The following MKLN1 variants were observed in gnomAD, a reference collection of about 807,000 sequenced individuals.
The protein encoded by MKLN1 is muskelin 1, also known as muskelin.
Under a neutral mutation model 99.0 loss-of-function variants are expected in MKLN1, and 18 were observed. That is an observed-to-expected ratio of 0.18 (90% CI 0.13 to 0.27). MKLN1 has a LOEUF of 0.27. MKLN1 is among the 10% of genes least tolerant of loss of function. The probability of loss-of-function intolerance (pLI) is 1.00; values close to 1 mark genes in which losing one functional copy is unlikely to be tolerated. For missense variants in MKLN1, 621 were observed against 875.9 expected, an observed-to-expected ratio of 0.71 and a Z score of 3.67; for synonymous variants, 288 against 293.2, an observed-to-expected ratio of 0.98 and a Z score of 0.18.
At chr7:131,241,876 T>A (rs1797408830) in intron 3 of MKLN1, among the ~76,000 whole-genome samples, 1 of 152,184 alleles carries the variant, frequency 6.6e-6, no homozygotes, top group Non-Finnish European at 1.5e-5. Flanking sequence ...CCCGCCAGCA[T>A]TTTTCACATT....
chr7:131,171,797 G>T (rs1796220298), intron 2 of MKLN1, among the ~76,000 whole-genome samples: 1 of 152,200 alleles, frequency 6.6e-6, no homozygotes, highest in Non-Finnish European at 1.5e-5. Flanking sequence ...CTCATACATT[G>T]TTTGGTATAA....
At position 131,359,326 on chromosome 7, in the gene MKLN1, A is replaced by G. The variant is rs994783496; in HGVS notation, c.99-16098A>G. ...TTTTGGGATTTTCCAGCTATCTGTG[A>G]ATGACTTCTAGTTTAATTCCATTGT... On this transcript the variant is annotated intron_variant, in intron 1 of 17. Transcript: ENST00000352689. Among the ~76,000 whole-genome samples, 9 of 152,330 alleles carry G rather than the reference A, an allele frequency of 5.9e-5. No homozygotes were observed. In the East Asian group the frequency reaches 1.7e-3, roughly 29 times the overall value.
rs1233619653 is a variant in MKLN1, at chr7:131,470,860, A to G, written c.1947A>G (p.Gln649=). Residue 649 remains glutamine (Q), a synonymous_variant, in exon 16 of 18, where the codon CAA becomes CAG. Transcript: ENST00000352689. The part of the protein sequence containing the change: ...IRKHRFEEKA[Q]VDPLSALKYL... ...TTTCTAGGTTTGAAGAAAAGGCCCA[A>G]GTGGATCCCCTTAGTGCTCTGAAAT... 2 of 1,611,546 alleles carry G rather than the reference A, an allele frequency of 1.2e-6. No individual in the cohort carries two copies. The highest frequency in any genetic ancestry group is 2.2e-5 in the East Asian group (1 of 44,818).
At chr7:131,399,801 G>A (rs966243137) in intron 6 of MKLN1, among the ~76,000 whole-genome samples, 2 of 152,118 alleles carry the variant, frequency 1.3e-5, no homozygotes, top group Non-Finnish European at 2.9e-5. Flanking sequence ...AATAAAAAAT[G>A]TTATTAGTAA....
chr7:131,165,467 G>A (rs1299806609), intron 2 of MKLN1, among the ~76,000 whole-genome samples: 2 of 152,224 alleles, frequency 1.3e-5, no homozygotes, highest in African/African-American at 4.8e-5. Context: ...TTACAGGCGT[G>A]AGCCACCACG....
At chr7:131,126,834 A>G (rs62472607) in intron 1 of MKLN1, among the ~76,000 whole-genome samples, 150,782 of 152,322 alleles carry the variant, frequency 0.99, 74,656 homozygotes, top group Middle Eastern at 1. Flanking sequence ...GATTACAGGC[A>G]TGAGCCATCG....
intron 10 of MKLN1, among the ~76,000 whole-genome samples, chr7:131,439,305 T>C (rs1795760326): frequency 6.6e-6 from 1 of 152,102 alleles, no homozygotes; most frequent in Admixed American, 6.6e-5. Flanking sequence ...TTTTTACAGG[T>C]TGAAAAAAGA....
chr7:131,182,562 T>C (rs1425661436), intron 2 of MKLN1, among the ~76,000 whole-genome samples: 2 of 152,228 alleles, frequency 1.3e-5, no homozygotes, highest in African/African-American at 4.8e-5. Flanking sequence ...GGAATAACCA[T>C]GTTTGAAAGA....
intron 3 of MKLN1, chr7:131,202,991 A>G (rs1796753873): frequency 6.6e-6 from 1 of 152,246 alleles, no homozygotes; most frequent in South Asian, 2.1e-4. Flanking sequence ...GGGGTAATTC[A>G]TCTAACAAAT....
intron 2 of MKLN1, among the ~76,000 whole-genome samples, chr7:131,165,001 A>C (rs1294525891): frequency 2.0e-5 from 3 of 152,186 alleles, no homozygotes; most frequent in African/African-American, 7.2e-5. Context: ...ACAAAATGAT[A>C]GTATAATGTG....
upstream of MKLN1, chr7:131,326,696 T>C (rs1185820761): frequency 6.6e-6 from 1 of 152,226 alleles, no homozygotes; most frequent in Non-Finnish European, 1.5e-5. Context: ...AGCCCACTAT[T>C]AAAATTTCCA....
chr7:131,182,490 T>C (rs527970873), intron 2 of MKLN1, among the ~76,000 whole-genome samples: 23 of 152,218 alleles, frequency 1.5e-4, no homozygotes, highest in Non-Finnish European at 2.9e-4. Flanking sequence ...TCTCTATTTT[T>C]CCTCCAGTTG....
At chr7:131,443,874 C>G (rs1795915623) in intron 11 of MKLN1, among the ~76,000 whole-genome samples, 172 bp downstream of exon 11, 1 of 152,176 alleles carries the variant, frequency 6.6e-6, no homozygotes, top group Non-Finnish European at 1.5e-5. Flanking sequence ...TCCCATCAAC[C>G]TGGTAATTCC....
intron 3 of MKLN1, among the ~76,000 whole-genome samples, chr7:131,292,696 C>A (rs1253706024): frequency 6.6e-6 from 1 of 152,216 alleles, no homozygotes; most frequent in African/African-American, 2.4e-5. Flanking sequence ...CATGGCCCTG[C>A]CAACACATTC....
rs142254233 is a variant in MKLN1 at position 131,271,291 on chromosome 7, C to T, written c.-179+68317C>T. 6.2e-4 allele frequency among the ~76,000 whole-genome samples: 95 copies of T among 152,128 alleles called. 1 individual carries two copies. The East Asian group carries it at 0.017, about 27-fold the overall frequency. ...CTGAAGGGTGAATAAACCTTTGCCA[C>T]GTTGAGGAAAGGCATGAGATGGCTA... On this transcript the variant is annotated intron_variant, in intron 3 of 7. Coordinates refer to the MKLN1 transcript ENST00000416992.
intron 3 of MKLN1, among the ~76,000 whole-genome samples, chr7:131,264,881 C>T (rs1797785095): frequency 6.6e-6 from 1 of 152,118 alleles, no homozygotes; most frequent in African/African-American, 2.4e-5. Flanking sequence ...CTCTGTCACC[C>T]AGGCTGTAGT....
intron 3 of MKLN1, among the ~76,000 whole-genome samples, chr7:131,269,995 C>T (rs1797861099): frequency 6.6e-6 from 1 of 152,028 alleles, no homozygotes; most frequent in African/African-American, 2.4e-5. Flanking sequence ...ATGATCCGAG[C>T]TCACTGCAAC....
At chr7:131,294,574 T>C (rs961756547) in intron 3 of MKLN1, among the ~76,000 whole-genome samples, 1 of 152,194 alleles carries the variant, frequency 6.6e-6, no homozygotes, top group Non-Finnish European at 1.5e-5. Context: ...TGAATCTGAG[T>C]GCTCATTTTG....
chr7:131,110,252 A>C (rs1554523997), intron 1 of MKLN1: 2 of 155,672 alleles, frequency 1.3e-5, no homozygotes, highest in Non-Finnish European at 2.8e-5. Flanking sequence ...GGGAGCGCGC[A>C]GGGGGGTAAG....
Sources: gnomAD v4.1 joint callset for allele counts (sites outside exome capture counted in the v4.1 genomes callset) on GRCh38, gnomAD v4.1.1 for gene constraint, MANE v1.5 for transcripts, NCBI Gene and HGNC (gene_info 2026-07-23, HGNC 2026-07-21) for gene names.